Variants in BANK1 observed in about 807,000 individuals in gnomAD.
The protein encoded by BANK1 is B-cell scaffold protein with ankyrin repeats.
A neutral mutation model predicts 94.5 loss-of-function variants in BANK1; 95 were observed. The observed-to-expected ratio is 1.00, with a 90% CI of 0.85 to 1.19. The LOEUF (loss-of-function observed/expected upper bound fraction) is 1.19, where lower values mean the gene tolerates loss of function less well. Among genes scored for constraint, BANK1 ranks in the 50% most tolerant of loss-of-function variants. BANK1 has a pLI of 0.00. For missense variants in BANK1, 987 were observed against 932.2 expected (o/e 1.06, Z -0.77); for synonymous variants, 334 against 308.4 (o/e 1.08, Z -0.87).
intron 1 of BANK1, among the ~76,000 whole-genome samples, chr4:101,828,516 G>A (rs1278196844): frequency 1.3e-5 from 2 of 151,484 alleles, no homozygotes; most frequent in African/African-American, 4.8e-5. Flanking sequence ...ATTCAGATCT[G>A]TATCACTGTG....
chr4:101,849,005 G>T (rs115794439), intron 2 of BANK1, among the ~76,000 whole-genome samples: 3,938 of 152,212 alleles, frequency 0.026, 182 homozygotes, highest in African/African-American at 0.091. Flanking sequence ...GGACATACAT[G>T]CCTTGCTCTT....
At chr4:101,880,402 A>G (rs1381104749) in intron 5 of BANK1, among the ~76,000 whole-genome samples, 1 of 152,044 alleles carries the variant, frequency 6.6e-6, no homozygotes. Context: ...TATAATTAAA[A>G]CTATAAAACA....
intron 11 of BANK1, among the ~76,000 whole-genome samples, chr4:102,048,138 T>A (rs904413470): frequency 2.8e-4 from 43 of 152,320 alleles, no homozygotes; most frequent in African/African-American, 9.9e-4. Context: ...ATTGATGATA[T>A]TTTTGATTAG....
rs1336881795 is a variant in BANK1 at position 102,063,148 on chromosome 4, AT to A, written c.2212+12del. Reference sequence around the variant, plus strand: ...GAAGAAAATGTCTATAGTAAGTAAGATTCGCCTGCTATTCAAAAATAATAGA... The same window carrying A: ...GAAGAAAATGTCTATAGTAAGTAAGATCGCCTGCTATTCAAAAATAATAGA... On this transcript the variant is annotated intron_variant, in intron 13 of 16. Transcript: ENST00000322953. 9 of 1,605,620 alleles carry A rather than the reference AT, an allele frequency of 5.6e-6. No homozygotes were observed. Among genetic ancestry groups the A allele is most frequent in the Middle Eastern group, 1.7e-4 (1 of 6,040 alleles).
intron 1 of BANK1, among the ~76,000 whole-genome samples, chr4:101,795,737 A>G (rs1725133526): frequency 6.6e-6 from 1 of 152,190 alleles, no homozygotes; most frequent in African/African-American, 2.4e-5. Context: ...TTTCTCAGTA[A>G]AAATGTAGAA....
intron 7 of BANK1, among the ~76,000 whole-genome samples, chr4:101,949,807 A>G (rs1724068970): frequency 6.6e-6 from 1 of 152,130 alleles, no homozygotes; most frequent in South Asian, 2.1e-4. Flanking sequence ...TTACACAAGC[A>G]CTCAGTGTTA....
At chr4:101,931,114 G>A (rs1723324252) in intron 7 of BANK1, among the ~76,000 whole-genome samples, 1 of 151,440 alleles carries the variant, frequency 6.6e-6, no homozygotes, top group African/African-American at 2.4e-5. Context: ...CTGTTCTTTG[G>A]CTGCTTTATT....
intron 6 of BANK1, among the ~76,000 whole-genome samples, chr4:101,909,353 G>T (rs1236063947): frequency 1.3e-5 from 2 of 152,112 alleles, no homozygotes; most frequent in Admixed American, 1.3e-4. Context: ...GAGAACACTT[G>T]GACACAGGAA....
At position 101,947,309 on chromosome 4, in the gene BANK1, A is replaced by ATATG. The variant is rs1553934939; in HGVS notation, c.1206+29124_1206+29127dup. On this transcript the variant is annotated intron_variant, in intron 7 of 16. Coordinates refer to ENST00000322953, the MANE Select transcript of BANK1 (RefSeq NM_017935.5). ...AATATATATATATATATATATATAT[A>ATATG]TATGTATATGTATTATGTATTATAT... Among the ~76,000 whole-genome samples the ATATG allele has an allele frequency of 2.1e-3, 143 of 67,892 alleles. 10 individuals are homozygous for ATATG. The highest frequency in any genetic ancestry group is 3.2e-3 in the Admixed American group (20 of 6,252). The allele number at this position is 67,892 out of a possible 152,430, so 44.5% of individuals were successfully genotyped here. A position where few individuals can be genotyped will look rare whatever the true frequency, so the allele number is the denominator to read the frequency against.
intron 7 of BANK1, among the ~76,000 whole-genome samples, chr4:101,980,395 T>C (rs1725288150): frequency 6.6e-6 from 1 of 151,880 alleles, no homozygotes; most frequent in South Asian, 2.1e-4. Flanking sequence ...ATTTTCTGTG[T>C]CATTATTTTT....
intron 5 of BANK1, among the ~76,000 whole-genome samples, chr4:101,893,316 G>A (rs926265018): frequency 2.6e-5 from 4 of 151,860 alleles, no homozygotes; most frequent in Admixed American, 1.3e-4. Context: ...GATCTGGAAG[G>A]AATCCCAGAA....
intron 7 of BANK1, among the ~76,000 whole-genome samples, chr4:102,008,668 A>C (rs1032186748): frequency 1.3e-5 from 2 of 152,210 alleles, no homozygotes; most frequent in African/African-American, 4.8e-5. Flanking sequence ...TAAGTTATCA[A>C]ACTATATTAC....
rs189376886 is a variant in BANK1, at chr4:102,070,960, A to G, written c.2213-315A>G. On this transcript the variant is annotated intron_variant, in intron 13 of 16. Transcript: ENST00000322953. ...TATTCCTGAATAAAGTTGATTTTTA[A>G]AAAGAATGAAGTAGCTCAAGCTAGC... 3.8e-3 allele frequency among the ~76,000 whole-genome samples: 582 copies of G among 152,332 alleles called. 3 individuals carry two copies. Among genetic ancestry groups the G allele is most frequent in the African/African-American group, 0.013 (544 of 41,574 alleles).
rs1728867103 is a variant in BANK1 at position 102,074,719 on chromosome 4, T to G, written c.*720T>G. ...AATTTTCATGTACAAATGCCACAAA[T>G]AAATTGAATGTTTAAAGCTATGTCT... On this transcript the variant is annotated 3_prime_UTR_variant, in exon 17 of 17. Coordinates refer to ENST00000322953, the MANE Select transcript of BANK1 (RefSeq NM_017935.5). The G allele has an allele frequency of 1.3e-5, 2 of 151,532 alleles. No homozygotes were observed. The highest frequency in any genetic ancestry group is 4.8e-5 in the African/African-American group (2 of 41,430). The allele number at this position is 151,532 out of a possible 1,614,324, so 9.4% of individuals were successfully genotyped here.
intron 10 of BANK1, among the ~76,000 whole-genome samples, chr4:102,039,101 A>T (rs1308823570): frequency 6.6e-6 from 1 of 152,046 alleles, no homozygotes; most frequent in African/African-American, 2.4e-5. Context: ...GATTCTTCTT[A>T]AAAAAATAAT....
At chr4:101,937,243 AATTAAACTAAAGAGCTTC>A (rs1723597165) in intron 7 of BANK1, among the ~76,000 whole-genome samples, 1 of 151,836 alleles carries the variant, frequency 6.6e-6, no homozygotes, top group Non-Finnish European at 1.5e-5. Context: ...TGTGGGAGCT[AATTAAACTAAAGAGCTTC>A]TGCACAGCAA....
rs372363995 is a variant in BANK1, at chr4:101,886,477, A to T, written c.904-8828A>T. ...AATGTTTTCAATAAATCATGGCATC[A>T]TTTATAGAAAGCATTTTTGAGAGAC... On this transcript the variant is annotated intron_variant, in intron 5 of 16. Coordinates refer to ENST00000322953, the MANE Select transcript of BANK1 (RefSeq NM_017935.5). Among the ~76,000 whole-genome samples the T allele has an allele frequency of 3.3e-5, 5 of 152,360 alleles. No individual in the cohort carries two copies. The East Asian group carries it at 9.6e-4, about 29-fold the overall frequency.
intron 1 of BANK1, among the ~76,000 whole-genome samples, chr4:101,793,143 A>G (rs1725052095): frequency 6.6e-6 from 1 of 152,212 alleles, no homozygotes; most frequent in African/African-American, 2.4e-5. Context: ...TAAGAACAGA[A>G]AGCATGAAAG....
At chr4:102,003,990 C>G (rs561102856) in intron 7 of BANK1, among the ~76,000 whole-genome samples, 4 of 151,212 alleles carry the variant, frequency 2.6e-5, no homozygotes, top group African/African-American at 9.7e-5. Flanking sequence ...TACACATATA[C>G]ATATATGTAT....
Sources: allele counts gnomAD v4.1 joint callset (sites outside exome capture counted in the v4.1 genomes callset), GRCh38; gene constraint gnomAD v4.1.1; transcripts MANE v1.5; gene names NCBI Gene and HGNC (gene_info 2026-07-23, HGNC 2026-07-21).